The following DNAH11 variants were observed in gnomAD, a reference collection of about 807,000 sequenced individuals.
DNAH11 encodes the protein dynein axonemal heavy chain 11.
Under a neutral mutation model 526.0 loss-of-function variants are expected in DNAH11, and 442 were observed. That is an observed-to-expected ratio of 0.84 (90% CI 0.78 to 0.91). The LOEUF (loss-of-function observed/expected upper bound fraction) is 0.91, where lower values mean the gene tolerates loss of function less well. DNAH11 is among the 40% of genes least tolerant of loss of function. The pLI, the probability that DNAH11 is intolerant of heterozygous loss-of-function variation, is 0.00. For synonymous variants in DNAH11, 2,461 were observed against 1,935.9 expected, an observed-to-expected ratio of 1.27 and a Z score of -7.12; for missense variants, 6,989 against 5,448.7, an observed-to-expected ratio of 1.28 and a Z score of -8.90.
rs1450132388 is a variant in DNAH11, at chr7:21,599,911, T to A, written c.2792T>A (p.Leu931Gln). ...ATAATGCACGACTTAGACTTCTTTC[T>A]GAAGAATACAGAGAAACAATTGAAA... ...QAIMHDLDFF[L>Q]KNTEKQLKPA... Residue 931 changes from leucine to glutamine, a missense_variant, in exon 15 of 82, where the codon CTG becomes CAG. By Grantham distance (113) the Leu-to-Gln change is moderately radical. Transcript: ENST00000409508. 3.7e-6 allele frequency: 6 copies of A among 1,613,596 alleles called. No homozygotes were observed. Among genetic ancestry groups the A allele is most frequent in the Non-Finnish European group, 5.1e-6 (6 of 1,179,774 alleles).
chr7:21,751,557 G>A (rs748267154), intron 54 of DNAH11, among the ~76,000 whole-genome samples: 7 of 152,180 alleles, frequency 4.6e-5, no homozygotes, highest in Non-Finnish European at 8.8e-5. Context: ...TAGGAAAGCT[G>A]CTACTTTACT....
At chr7:21,648,082 A>C (rs1197156323) in intron 28 of DNAH11, among the ~76,000 whole-genome samples, 1 of 152,228 alleles carries the variant, frequency 6.6e-6, no homozygotes, top group African/African-American at 2.4e-5. Context: ...TATATATGTA[A>C]GTTTAAATAC....
chr7:21,860,552 G>A (rs916896581), intron 68 of DNAH11, among the ~76,000 whole-genome samples: 41 of 152,294 alleles, frequency 2.7e-4, no homozygotes, highest in South Asian at 4.1e-4. Flanking sequence ...CCAGATGTCC[G>A]TCAGTGGATG....
chr7:21,761,270 C>A (rs112393619), intron 54 of DNAH11, among the ~76,000 whole-genome samples: 3,154 of 152,286 alleles, frequency 0.021, 66 homozygotes, highest in Non-Finnish European at 0.026. Context: ...TCAATAACTG[C>A]ACTTTCAAGG....
chr7:21,711,718 A>G lies in DNAH11; in HGVS notation c.6841A>G (p.Thr2281Ala), dbSNP rs754043107. The G allele has an allele frequency of 6.2e-7, 1 of 1,613,482 alleles. No homozygotes were observed. The highest frequency in any genetic ancestry group is 8.5e-7 in the Non-Finnish European group (1 of 1,179,620). The change falls in exon 42 of 82, where the codon ACC becomes GCC. Residue 2281 changes from threonine to alanine, a missense_variant. By Grantham distance (58) the Thr-to-Ala change is moderately conservative. Coordinates refer to ENST00000409508, the MANE Select transcript of DNAH11 (RefSeq NM_001277115.2). ...NTVMDDNKVL[T>A]LASNERIALT... ...AGTGTGCTGCTCACTCCAGGTGCTG[A>G]CCCTCGCCAGCAATGAGCGCATTGC...
chr7:21,665,136 A>C (rs1782376587), intron 30 of DNAH11, among the ~76,000 whole-genome samples: 1 of 146,858 alleles, frequency 6.8e-6, no homozygotes, highest in Non-Finnish European at 1.5e-5. Context: ...AGTGCCTTTC[A>C]CTCCCTCTCT....
chr7:21,775,994 G>T (rs371587006), intron 56 of DNAH11, among the ~76,000 whole-genome samples: 2 of 152,154 alleles, frequency 1.3e-5, no homozygotes, highest in Non-Finnish European at 2.9e-5. Context: ...AGCAAGTGGG[G>T]TACCATCCTG....
chr7:21,850,949 A>G (rs1008859622), intron 66 of DNAH11, among the ~76,000 whole-genome samples: 1 of 152,144 alleles, frequency 6.6e-6, no homozygotes, highest in South Asian at 2.1e-4. Flanking sequence ...GAGGGGAAGC[A>G]TTCTTTTCTC....
At chr7:21,783,872 A>T (rs559027490) in intron 57 of DNAH11, among the ~76,000 whole-genome samples, 48 of 152,270 alleles carry the variant, frequency 3.2e-4, no homozygotes, top group Middle Eastern at 3.4e-3. Flanking sequence ...GAAACCAGTA[A>T]TTCGTCTTCA....
In DNAH11 at chr7:21,749,475, A is replaced by G. The variant is rs191125983; in HGVS notation, c.8674-203A>G. Among the ~76,000 whole-genome samples the G allele has an allele frequency of 9.9e-5, 15 of 152,194 alleles. No individual in the cohort carries two copies. The East Asian group carries it at 2.9e-3, about 29-fold the overall frequency. On this transcript the variant is annotated intron_variant, in intron 52 of 81. Coordinates refer to ENST00000409508, the MANE Select transcript of DNAH11 (RefSeq NM_001277115.2). The stretch of plus-strand genomic sequence containing the variant: ...CAGTAAGCCAGAAACACGACACTCA[A>G]CCTTACGAGTCAGCAATGGAGGTGG...
intron 57 of DNAH11, among the ~76,000 whole-genome samples, chr7:21,779,370 G>C (rs1393906403): frequency 2.0e-5 from 3 of 152,122 alleles, no homozygotes; most frequent in African/African-American, 7.2e-5. Flanking sequence ...TGTGGATCTT[G>C]AACATCAGGC....
chr7:21,637,498 C>A, intron 26 of DNAH11, 113 bp from the exon 27 acceptor site: 1 of 754,218 alleles, frequency 1.3e-6, no homozygotes, highest in Non-Finnish European at 2.3e-6. Flanking sequence ...TTAGAAGTAT[C>A]TTTGACCTTG....
At chr7:21,770,220 T>A (rs1583676472) in intron 55 of DNAH11, among the ~76,000 whole-genome samples, 2 of 152,288 alleles carry the variant, frequency 1.3e-5, no homozygotes, top group South Asian at 4.1e-4. Context: ...TTTTTTTGAT[T>A]TTGGAATATT....
chr7:21,600,061 T>G lies in DNAH11; in HGVS notation c.2942T>G (p.Phe981Cys). 4 of 1,603,554 alleles carry G rather than the reference T, an allele frequency of 2.5e-6. No homozygotes were observed. Among genetic ancestry groups the G allele is most frequent in the Non-Finnish European group, 3.4e-6 (4 of 1,173,410 alleles). Residue 981 changes from phenylalanine (F) to cysteine (C), a missense_variant, in exon 15 of 82, where the codon TTT becomes TGT. Transcript: ENST00000409508. Reference sequence around the variant, plus strand: ...GTAGAAGAAATGTTATGCAATAGTTTTAGAATGTCTGCCCAGATGAACCGA... The same window carrying G: ...GTAGAAGAAATGTTATGCAATAGTTGTAGAATGTCTGCCCAGATGAACCGA... Reference protein sequence around the residue: ...DLVEEMLCNSFRMSAQMNRIA... With the variant: ...DLVEEMLCNSCRMSAQMNRIA...
chr7:21,878,648 A>G (rs1477427922), intron 74 of DNAH11, among the ~76,000 whole-genome samples: 1 of 152,156 alleles, frequency 6.6e-6, no homozygotes, highest in Non-Finnish European at 1.5e-5. Context: ...TAGTGATTTA[A>G]TTGGATCTGC....
At chr7:21,827,027 T>C (rs1790329045) in intron 65 of DNAH11, among the ~76,000 whole-genome samples, 1 of 152,208 alleles carries the variant, frequency 6.6e-6, no homozygotes, top group Admixed American at 6.5e-5. Context: ...TAATTACTCC[T>C]TTCATGTCTG....
At position 21,750,217 on chromosome 7, in the gene DNAH11, G is replaced by T. The variant is rs189821372; in HGVS notation, c.8798-5G>T. On this transcript the variant is annotated splice_polypyrimidine_tract_variant and splice_region_variant and intron_variant, in intron 53 of 81. Coordinates refer to ENST00000409508, the MANE Select transcript of DNAH11 (RefSeq NM_001277115.2). ...TTTAGTAATTCTACTCATTCTTTGG[G>T]GCAGGAGAAATCCCAGATCTGTTCA... 1 of 1,590,084 alleles carries T rather than the reference G, an allele frequency of 6.3e-7. No homozygotes were observed. Among genetic ancestry groups the T allele is most frequent in the Admixed American group, 1.8e-5 (1 of 55,236 alleles).
chr7:21,816,363 GTT>G, intron 63 of DNAH11, 102 bp from the exon 64 acceptor site: 1 of 879,364 alleles, frequency 1.1e-6, no homozygotes, highest in Non-Finnish European at 1.8e-6. Flanking sequence ...ATTATCATGT[GTT>G]TACCTAGGGT....
Position 21,801,254 on chromosome 7 carries a change from C to T in DNAH11, c.10144C>T (p.Leu3382Phe), listed in dbSNP as rs754225311. Residue 3382 changes from leucine (L) to phenylalanine (F), a missense_variant, in exon 62 of 82, where the codon CTT becomes TTT. Physicochemically the swap from Leu to Phe is conservative, Grantham distance 22. Coordinates refer to ENST00000409508, the MANE Select transcript of DNAH11 (RefSeq NM_001277115.2). Reference sequence around the variant, plus strand: ...CAAAACCATCAAATTAGCTAACAGACTTGTCAAGGAACTTGAGGCAAGTTA... The same window carrying T: ...CAAAACCATCAAATTAGCTAACAGATTTGTCAAGGAACTTGAGGCAAGTTA... ...TNKTIKLANR[L>F]VKELEAKKIR... 6.2e-7 allele frequency: 1 copy of T among 1,613,884 alleles called. No individual in the cohort carries two copies.
Sources: allele counts gnomAD v4.1 joint callset (sites outside exome capture counted in the v4.1 genomes callset), GRCh38; gene constraint gnomAD v4.1.1; transcripts MANE v1.5; gene names NCBI Gene and HGNC (gene_info 2026-07-23, HGNC 2026-07-21).